Variants in CABIN1 observed in about 807,000 individuals in gnomAD.
CABIN1 encodes calcineurin-binding protein cabin-1.
CABIN1 carries 133 observed loss-of-function variants against 227.7 expected under a neutral mutation model. The ratio of observed to expected loss-of-function variants is 0.58; its 90% confidence interval spans 0.51 to 0.67. The LOEUF is 0.67. Among genes scored for constraint, CABIN1 ranks in the 30% least tolerant of loss-of-function variants. The pLI is 0.00. For missense variants in CABIN1, 2,408 were observed against 2,852.5 expected (o/e 0.84, Z 3.55); for synonymous variants, 1,086 against 1,155.1 (o/e 0.94, Z 1.21).
intron 8 of CABIN1, 71 bp from the exon 9 acceptor site, chr22:24,054,802 C>T: frequency 3.1e-6 from 5 of 1,601,586 alleles, no homozygotes; most frequent in Non-Finnish European, 4.3e-6. Context: ...TGCAGGCAGG[C>T]CATTTTCCAC....
intron 24 of CABIN1, among the ~76,000 whole-genome samples, chr22:24,095,512 C>G (rs915113675): frequency 1.4e-5 from 2 of 146,298 alleles, no homozygotes; most frequent in Non-Finnish European, 3.0e-5. Context: ...AACAGAAATC[C>G]AACCTAGTCC....
intron 29 of CABIN1, among the ~76,000 whole-genome samples, chr22:24,134,708 G>A (rs1344899197): frequency 2.0e-5 from 3 of 152,220 alleles, no homozygotes; most frequent in African/African-American, 7.2e-5. Flanking sequence ...GATGACAGGG[G>A]TACAGGCCCA....
At chr22:24,137,386 TG>T (rs2044487392) in intron 29 of CABIN1, among the ~76,000 whole-genome samples, 1 of 152,228 alleles carries the variant, frequency 6.6e-6, no homozygotes, top group Non-Finnish European at 1.5e-5. Context: ...CCTTAGTTTC[TG>T]GGACCTTCCA....
At position 24,031,659 on chromosome 22, in the gene CABIN1, T is replaced by G. The variant is rs1188216775; in HGVS notation, c.-74-3785T>G. ...GATGCTCAGTGGGATTAGAGGTGTT[T>G]TCGGATTCAGTGCACAGAGCCCAGT... On this transcript the variant is annotated intron_variant, in intron 1 of 36. Transcript: ENST00000263119. Among the ~76,000 whole-genome samples, 6 of 152,048 alleles carry G rather than the reference T, an allele frequency of 3.9e-5. No individual in the cohort carries two copies. In the East Asian group the frequency reaches 1.2e-3, roughly 29 times the overall value.
At position 24,101,672 on chromosome 22, in the gene CABIN1, A is replaced by G. The variant is rs56120856; in HGVS notation, c.4117+3480A>G. 220 of 152,386 alleles carry G rather than the reference A, an allele frequency of 1.4e-3. 2 individuals are homozygous for G. Among genetic ancestry groups the G allele is most frequent in the Non-Finnish European group, 1.5e-3 (103 of 68,070 alleles). 9.4% of individuals were successfully genotyped at this position (152,386 alleles called of 1,614,324 possible). On this transcript the variant is annotated intron_variant, in intron 26 of 36. Coordinates refer to ENST00000263119, the MANE Select transcript of CABIN1 (RefSeq NM_012295.4). ...TCTGCCTAACTTCTGCCTTCCGTCAATCTCTTGGAATTTGCCCACAGGGCT... is the reference window on the plus strand; with the variant it reads ...TCTGCCTAACTTCTGCCTTCCGTCAGTCTCTTGGAATTTGCCCACAGGGCT...
intron 23 of CABIN1, among the ~76,000 whole-genome samples, chr22:24,087,992 G>A (rs1383550123): frequency 1.3e-5 from 2 of 152,196 alleles, no homozygotes; most frequent in Admixed American, 6.5e-5. Flanking sequence ...GATAGGGAGG[G>A]GAGAGGTGTT....
Position 24,163,485 on chromosome 22 carries a change from G to A in CABIN1, c.4747-915G>A, listed in dbSNP as rs574780561. Reference sequence around the variant, plus strand: ...TATACTGCAGCATGATGTGGGCCAGGCCCCATGCCAAGGAGAAAGCAATGT... The same window carrying A: ...TATACTGCAGCATGATGTGGGCCAGACCCCATGCCAAGGAGAAAGCAATGT... On this transcript the variant is annotated intron_variant, in intron 29 of 36. Coordinates refer to ENST00000263119, the MANE Select transcript of CABIN1 (RefSeq NM_012295.4). Among the ~76,000 whole-genome samples, 5 of 152,266 alleles carry A rather than the reference G, an allele frequency of 3.3e-5. No homozygotes were observed. In the South Asian group the frequency reaches 1.0e-3, roughly 32 times the overall value.
intron 34 of CABIN1, among the ~76,000 whole-genome samples, chr22:24,175,463 G>A (rs1216201525): frequency 1.3e-5 from 2 of 152,242 alleles, no homozygotes; most frequent in Non-Finnish European, 2.9e-5. Flanking sequence ...TGGTGGGAGA[G>A]TCCAGACCTG....
At chr22:24,176,468 A>G (rs989528816) in intron 35 of CABIN1, among the ~76,000 whole-genome samples, 193 bp downstream of exon 35, 5 of 152,136 alleles carry the variant, frequency 3.3e-5, no homozygotes, top group Admixed American at 1.3e-4. Flanking sequence ...GAAGAGTTTA[A>G]TGCGTGGCCC....
intron 26 of CABIN1, among the ~76,000 whole-genome samples, chr22:24,112,601 A>G (rs147865290): frequency 4.5e-4 from 69 of 152,114 alleles, no homozygotes; most frequent in African/African-American, 1.4e-3. Flanking sequence ...GACATGGGGT[A>G]GTTCTCTGTT....
In CABIN1 at chr22:24,113,699, C is replaced by A; in HGVS notation, c.4251C>A (p.Ser1417=). 6.2e-7 allele frequency: 1 copy of A among 1,614,022 alleles called. No homozygotes were observed. Among genetic ancestry groups the A allele is most frequent in the Non-Finnish European group, 8.5e-7 (1 of 1,180,038 alleles). Residue 1417 remains serine (S), a synonymous_variant, in exon 27 of 37, where the codon TCC becomes TCA. Coordinates refer to ENST00000263119, the MANE Select transcript of CABIN1 (RefSeq NM_012295.4). ...YTEKRLPILS[S]QAGATGKDLQ... is the part of the protein sequence containing the mutation. ...AGAAGAGGCTGCCCATTCTCAGTTC[C>A]CAAGCAGGAGCGACGGGTAAAGATC... is the stretch of plus-strand genomic sequence containing the variant.
chr22:24,027,486 G>C (rs1962465873), intron 1 of CABIN1, among the ~76,000 whole-genome samples: 1 of 152,198 alleles, frequency 6.6e-6, no homozygotes, highest in Admixed American at 6.5e-5. Context: ...GCTGTTAGCT[G>C]TAAATACCTT....
chr22:24,163,631 C>T (rs2148657723), intron 29 of CABIN1, among the ~76,000 whole-genome samples: 1 of 152,310 alleles, frequency 6.6e-6, no homozygotes, highest in Non-Finnish European at 1.5e-5. Context: ...GATGGGCCTC[C>T]TTAATGCCTG....
chr22:24,175,713 T>G, intron 34 of CABIN1: 1 of 317,176 alleles, frequency 3.2e-6, no homozygotes, highest in Non-Finnish European at 6.1e-6. Flanking sequence ...GTTGTTTGGA[T>G]TTTGGTCCTG....
Position 24,134,332 on chromosome 22 carries a change from G to T in CABIN1, c.4663G>T (p.Gly1555Cys). 1 of 1,614,106 alleles carries T rather than the reference G, an allele frequency of 6.2e-7. No homozygotes were observed. Among genetic ancestry groups the T allele is most frequent in the Non-Finnish European group, 8.5e-7 (1 of 1,179,978 alleles). ...NLQWARDVLL[G>C]SSIPWQQLQH... ...CCAGTGGGCCCGCGACGTGTTGCTA[G>T]GCAGCAGTATCCCGTGGCAACAACT... The change falls in exon 29 of 37, where the codon GGC (glycine) becomes TGC (cysteine). Residue 1555 changes from glycine to cysteine, a missense_variant. Physicochemically the swap from Gly to Cys is radical, Grantham distance 159. Coordinates refer to ENST00000263119, the MANE Select transcript of CABIN1 (RefSeq NM_012295.4).
intron 25 of CABIN1, among the ~76,000 whole-genome samples, chr22:24,096,501 G>T (rs929459018): frequency 5.3e-5 from 8 of 152,186 alleles, no homozygotes; most frequent in Non-Finnish European, 1.2e-4. Context: ...TGGGAAGTGT[G>T]GGAAGTGTGG....
chr22:24,106,497 A>ACC (rs2042526364), intron 26 of CABIN1, among the ~76,000 whole-genome samples: 1 of 152,332 alleles, frequency 6.6e-6, no homozygotes, highest in African/African-American at 2.4e-5. Context: ...ATCCAACTGC[A>ACC]GGGGTCCTGT....
intron 24 of CABIN1, among the ~76,000 whole-genome samples, chr22:24,093,682 T>C (rs781683670): frequency 3.3e-5 from 5 of 151,944 alleles, no homozygotes; most frequent in Non-Finnish European, 5.9e-5. Flanking sequence ...TCTCAGAGAC[T>C]AGCGGGCAAC....
intron 30 of CABIN1, 57 bp downstream of exon 30, chr22:24,164,620 C>T (rs2046345063): frequency 6.4e-7 from 1 of 1,573,668 alleles, no homozygotes; most frequent in Admixed American, 1.7e-5. Flanking sequence ...GGGGCACACA[C>T]ACCCCAGGAA....
Sources: allele counts gnomAD v4.1 joint callset (sites outside exome capture counted in the v4.1 genomes callset), GRCh38; gene constraint gnomAD v4.1.1; transcripts MANE v1.5; gene names NCBI Gene and HGNC (gene_info 2026-07-23, HGNC 2026-07-21).